The following ADAMTSL3 variants were observed in gnomAD, a reference collection of about 807,000 sequenced individuals.
The protein encoded by ADAMTSL3 is ADAMTS like 3, also known as ADAMTS-like protein 3.
Under a neutral mutation model 201.7 loss-of-function variants are expected in ADAMTSL3, and 128 were observed. The ratio of observed to expected loss-of-function variants is 0.63; its 90% CI spans 0.55 to 0.73. The LOEUF is 0.73. ADAMTSL3 is among the 30% of genes least tolerant of loss of function. ADAMTSL3 has a pLI of 0.00. For missense variants in ADAMTSL3, 1,990 were observed against 2,119.6 expected (o/e 0.94, Z 1.20); for synonymous variants, 738 against 748.4 (o/e 0.99, Z 0.23).
At chr15:83,848,421 C>T (rs556567929) in intron 7 of ADAMTSL3, among the ~76,000 whole-genome samples, 1 of 152,252 alleles carries the variant, frequency 6.6e-6, no homozygotes, top group African/African-American at 2.4e-5. Flanking sequence ...CATCTTGCTA[C>T]TTAGCAAAGC....
chr15:83,826,306 A>G (rs1387241560), intron 6 of ADAMTSL3, among the ~76,000 whole-genome samples: 2 of 151,982 alleles, frequency 1.3e-5, no homozygotes, highest in Non-Finnish European at 2.9e-5. Flanking sequence ...CATTTTTTGT[A>G]GAGATCAGGT....
rs773827802 is a variant in ADAMTSL3, at chr15:84,021,423, G to T, written c.4287G>T (p.Glu1429Asp). Residue 1429 changes from glutamate (E) to aspartate (D), a missense_variant, in exon 26 of 30, where the codon GAG becomes GAT. Transcript: ENST00000286744. The part of the protein sequence containing the change: ...GEPPPQEPFW[E>D]PGNWSHCSAT... ...TTCTTTCTGCAGAGCCTTTTTGGGA[G>T]CCTGGTAACTGGTCACATTGTTCTG... The T allele has an allele frequency of 6.8e-6, 11 of 1,613,848 alleles. No individual in the cohort carries two copies. The highest frequency in any genetic ancestry group is 9.3e-6 in the Non-Finnish European group (11 of 1,179,930).
chr15:83,753,320 T>C (rs2062668638), intron 3 of ADAMTSL3, among the ~76,000 whole-genome samples: 1 of 152,240 alleles, frequency 6.6e-6, no homozygotes, highest in African/African-American at 2.4e-5. Flanking sequence ...CAGAATTCTC[T>C]GTCCCAGTTT....
intron 9 of ADAMTSL3, among the ~76,000 whole-genome samples, chr15:83,884,523 C>G (rs1220449343): frequency 1.3e-5 from 2 of 151,706 alleles, no homozygotes; most frequent in Admixed American, 6.6e-5. Context: ...GATCTACCTG[C>G]CTTGACCTCC....
chr15:83,782,200 G>A lies in ADAMTSL3; in HGVS notation c.317+8550G>A, dbSNP rs543087784. On this transcript the variant is annotated intron_variant, in intron 4 of 29. Transcript: ENST00000286744. ...TCCCATCACTTAAAGACTGGGGTCA[G>A]GTGTGCTGGCTCATGCCTGTAATCC... is the stretch of plus-strand genomic sequence containing the variant. Among the ~76,000 whole-genome samples the A allele has an allele frequency of 5.6e-4, 85 of 152,318 alleles. 1 individual carries two copies. The highest frequency in any genetic ancestry group is 1.9e-3 in the African/African-American group (80 of 41,572).
intron 19 of ADAMTSL3, among the ~76,000 whole-genome samples, chr15:83,954,872 G>A (rs1251169866): frequency 6.6e-6 from 1 of 152,146 alleles, no homozygotes; most frequent in African/African-American, 2.4e-5. Flanking sequence ...TCTCTGCTGA[G>A]CCACCTGGAG....
intron 9 of ADAMTSL3, 149 bp downstream of exon 9, chr15:83,871,108 C>G: frequency 3.1e-6 from 3 of 957,586 alleles, no homozygotes; most frequent in Non-Finnish European, 4.5e-6. Context: ...GCAGTCCATT[C>G]TTAAAAATTG....
At chr15:83,679,093 A>G (rs1208083681) in intron 2 of ADAMTSL3, among the ~76,000 whole-genome samples, 1 of 151,486 alleles carries the variant, frequency 6.6e-6, no homozygotes, top group African/African-American at 2.4e-5. Context: ...CTGATCTGTC[A>G]TCTCAGTGTG....
At chr15:83,714,935 T>A (rs1316329675) in intron 3 of ADAMTSL3, among the ~76,000 whole-genome samples, 8 of 127,588 alleles carry the variant, frequency 6.3e-5, no homozygotes, top group South Asian at 3.1e-4. Context: ...CCTTCCTTCC[T>A]TCCATCCTTC....
intron 26 of ADAMTSL3, among the ~76,000 whole-genome samples, chr15:84,024,727 C>A (rs1178886443): frequency 1.3e-5 from 2 of 152,180 alleles, no homozygotes; most frequent in Non-Finnish European, 2.9e-5. Flanking sequence ...AGAATCCAAT[C>A]CCAGCTCTGC....
intron 13 of ADAMTSL3, among the ~76,000 whole-genome samples, chr15:83,897,276 A>G (rs2065635188): frequency 6.6e-6 from 1 of 151,632 alleles, no homozygotes; most frequent in Non-Finnish European, 1.5e-5. Context: ...TAATAGCATA[A>G]TGTTTTTATT....
intron 9 of ADAMTSL3, among the ~76,000 whole-genome samples, chr15:83,883,551 A>AT (rs2065322569): frequency 7.6e-6 from 1 of 131,612 alleles, no homozygotes; most frequent in African/African-American, 2.8e-5. Flanking sequence ...TTTTTTAGAG[A>AT]TTTTTCTTTT....
rs1185800244 is a variant in ADAMTSL3 at position 83,704,449 on chromosome 15, G to C, written c.130G>C (p.Gly44Arg). The C allele has an allele frequency of 1.2e-6, 2 of 1,614,080 alleles. No homozygotes were observed. Among genetic ancestry groups the C allele is most frequent in the Middle Eastern group, 3.3e-4 (2 of 6,062 alleles). ...FLPEFALSPQ[G>R]SFLEDTTGEQ... Reference sequence around the variant, plus strand: ...TCCCGAGTTTGCACTTTCTCCTCAGGGAAGTTTTCTGGAAGACACAACAGG... The same window carrying C: ...TCCCGAGTTTGCACTTTCTCCTCAGCGAAGTTTTCTGGAAGACACAACAGG... Residue 44 changes from glycine to arginine, a missense_variant, in exon 3 of 30, where the codon GGA (glycine) becomes CGA (arginine). Coordinates refer to ENST00000286744, the MANE Select transcript of ADAMTSL3 (RefSeq NM_207517.3).
At chr15:83,805,840 G>C (rs1314892879) in intron 5 of ADAMTSL3, among the ~76,000 whole-genome samples, 1 of 152,194 alleles carries the variant, frequency 6.6e-6, no homozygotes, top group Non-Finnish European at 1.5e-5. Flanking sequence ...GAAGTACTCT[G>C]CCTCTACTAC....
chr15:83,680,870 G>T (rs1040661597), intron 2 of ADAMTSL3, among the ~76,000 whole-genome samples: 4 of 151,806 alleles, frequency 2.6e-5, no homozygotes, highest in African/African-American at 9.7e-5. Flanking sequence ...TTTTTCAAAG[G>T]TCATGTTTTC....
intron 23 of ADAMTSL3, among the ~76,000 whole-genome samples, chr15:84,010,855 A>T (rs1473535095): frequency 6.6e-6 from 1 of 152,306 alleles, no homozygotes; most frequent in Middle Eastern, 3.4e-3. Context: ...TCCTGTTCCC[A>T]TGCTTTCCTA....
chr15:83,701,309 A>C (rs1189294103), intron 2 of ADAMTSL3, among the ~76,000 whole-genome samples: 3 of 152,170 alleles, frequency 2.0e-5, no homozygotes, highest in Non-Finnish European at 4.4e-5. Flanking sequence ...CTACCTCCTC[A>C]GTCTTCCCTT....
chr15:83,748,681 A>G (rs1365142894), intron 3 of ADAMTSL3, among the ~76,000 whole-genome samples: 1 of 150,938 alleles, frequency 6.6e-6, no homozygotes, highest in East Asian at 1.9e-4. Context: ...AATACCACAC[A>G]CACAAAGAAG....
chr15:83,739,242 A>G (rs2062416181), intron 3 of ADAMTSL3, among the ~76,000 whole-genome samples: 1 of 151,862 alleles, frequency 6.6e-6, no homozygotes, highest in Non-Finnish European at 1.5e-5. Context: ...ATGCAAGTGT[A>G]AACTAAAATA....
Sources: gnomAD v4.1 joint callset for allele counts (sites outside exome capture counted in the v4.1 genomes callset) on GRCh38, gnomAD v4.1.1 for gene constraint, MANE v1.5 for transcripts, NCBI Gene and HGNC (gene_info 2026-07-23, HGNC 2026-07-21) for gene names.